Variants in LAMA2 observed in about 807,000 individuals in gnomAD.
The protein encoded by LAMA2 is laminin subunit alpha 2, also known as laminin subunit alpha-2.
Under a neutral mutation model 364.8 loss-of-function variants are expected in LAMA2, and 269 were observed. That is an observed-to-expected ratio of 0.74 (90% confidence interval 0.67 to 0.82). The LOEUF (loss-of-function observed/expected upper bound fraction) is 0.82. Among genes scored for constraint, LAMA2 ranks in the 40% least tolerant of loss-of-function variants. The probability of loss-of-function intolerance (pLI) is 0.00; values close to 1 mark genes in which losing one functional copy is unlikely to be tolerated. For synonymous variants in LAMA2, 1,379 were observed against 1,370.6 expected (o/e 1.01, Z -0.14); for missense variants, 3,807 against 3,873.2 (o/e 0.98, Z 0.45).
Position 129,308,385 on chromosome 6 carries a change from C to T in LAMA2, c.3175-4476C>T, listed in dbSNP as rs575185036. ...AGAGTTCCGTTTTATCCACAGAATG[C>T]TATGATATAGCCAAACTCTAATTAA... On this transcript the variant is annotated intron_variant, in intron 22 of 64. Transcript: ENST00000421865. 2.6e-5 allele frequency among the ~76,000 whole-genome samples: 4 copies of T among 152,262 alleles called. No homozygotes were observed. The East Asian group carries it at 7.7e-4, about 29-fold the overall frequency.
intron 12 of LAMA2, among the ~76,000 whole-genome samples, chr6:129,230,749 T>C (rs553249253): frequency 6.6e-6 from 1 of 152,148 alleles, no homozygotes; most frequent in East Asian, 1.9e-4. Context: ...CAGTTGCAGG[T>C]ACAGAGAAGA....
In LAMA2 at chr6:129,032,652, T is replaced by TA. The variant is rs752636457; in HGVS notation, c.113-17259dup. On this transcript the variant is annotated intron_variant, in intron 1 of 64. Coordinates refer to ENST00000421865, the MANE Select transcript of LAMA2 (RefSeq NM_000426.4). ...TTGAATCTTAAGAAAACTCATTATG[T>TA]AAAAAAAGGGCTAAAGAAAGGATAA... 2.6e-5 allele frequency among the ~76,000 whole-genome samples: 4 copies of TA among 152,156 alleles called. No individual in the cohort carries two copies. The East Asian group carries it at 7.7e-4, about 29-fold the overall frequency.
chr6:129,033,520 T>C (rs952169243), intron 1 of LAMA2, among the ~76,000 whole-genome samples: 1 of 152,168 alleles, frequency 6.6e-6, no homozygotes, highest in Non-Finnish European at 1.5e-5. Flanking sequence ...TTTATCATTG[T>C]TTTATTTTTA....
intron 1 of LAMA2, among the ~76,000 whole-genome samples, chr6:128,924,043 C>G (rs886804500): frequency 6.6e-6 from 1 of 151,678 alleles, no homozygotes; most frequent in African/African-American, 2.4e-5. Context: ...GTGTAGGGAA[C>G]ACAAGAATAT....
At chr6:129,303,361 G>C (rs1333838645) in intron 22 of LAMA2, among the ~76,000 whole-genome samples, 1 of 152,106 alleles carries the variant, frequency 6.6e-6, no homozygotes, top group Non-Finnish European at 1.5e-5. Context: ...TTTTCTTGTA[G>C]ATAATCATGT....
intron 1 of LAMA2, among the ~76,000 whole-genome samples, chr6:128,897,961 G>A (rs540754195): frequency 1.5e-4 from 23 of 152,322 alleles, no homozygotes; most frequent in African/African-American, 5.1e-4. Flanking sequence ...CACCTTGCTG[G>A]CTGAGTGCTG....
intron 22 of LAMA2, among the ~76,000 whole-genome samples, chr6:129,310,141 C>A (rs933784274): frequency 3.3e-5 from 5 of 151,864 alleles, no homozygotes; most frequent in Admixed American, 2.6e-4. Context: ...CCTCGTGATC[C>A]GCCCGCCTCG....
intron 27 of LAMA2, among the ~76,000 whole-genome samples, chr6:129,316,645 T>C (rs1774633021): frequency 6.6e-6 from 1 of 152,194 alleles, no homozygotes; most frequent in African/African-American, 2.4e-5. Flanking sequence ...TGTTGAGAAA[T>C]GATTCTGAAT....
chr6:128,995,257 T>C (rs763379961), intron 1 of LAMA2, among the ~76,000 whole-genome samples: 4 of 152,182 alleles, frequency 2.6e-5, no homozygotes, highest in Admixed American at 6.5e-5. Flanking sequence ...ACACAAGATA[T>C]ATTGTGTGAT....
At chr6:129,036,228 T>C (rs1196362208) in intron 1 of LAMA2, among the ~76,000 whole-genome samples, 1 of 152,180 alleles carries the variant, frequency 6.6e-6, no homozygotes, top group African/African-American at 2.4e-5. Context: ...GTTAAATGTA[T>C]TCCTAGGTAT....
chr6:129,253,294 A>G (rs1021005483), intron 14 of LAMA2, among the ~76,000 whole-genome samples: 9 of 152,180 alleles, frequency 5.9e-5, no homozygotes, highest in African/African-American at 2.2e-4. Context: ...CCAGCCTGAC[A>G]ACCCGGTATA....
At chr6:129,195,817 A>G (rs960819179) in intron 12 of LAMA2, among the ~76,000 whole-genome samples, 3 of 152,214 alleles carry the variant, frequency 2.0e-5, no homozygotes, top group African/African-American at 7.2e-5. Context: ...GGCTACAGCT[A>G]TTCAGAAACA....
intron 1 of LAMA2, among the ~76,000 whole-genome samples, chr6:128,896,225 C>T (rs1329944159): frequency 6.6e-6 from 1 of 151,726 alleles, no homozygotes; most frequent in Non-Finnish European, 1.5e-5. Flanking sequence ...CCAATATGTC[C>T]TCTCCTTATC....
intron 12 of LAMA2, among the ~76,000 whole-genome samples, chr6:129,211,958 T>C (rs141413097): frequency 3.3e-5 from 5 of 152,356 alleles, no homozygotes; most frequent in African/African-American, 1.2e-4. Context: ...AGGGATGCTT[T>C]TTGTGGACAG....
At chr6:129,011,664 C>G (rs1484616598) in intron 1 of LAMA2, among the ~76,000 whole-genome samples, 2 of 152,196 alleles carry the variant, frequency 1.3e-5, no homozygotes, top group Non-Finnish European at 2.9e-5. Context: ...CCAGAGATTA[C>G]TCTTAAAATA....
Position 129,090,184 on chromosome 6 carries a change from G to A in LAMA2, c.397-7989G>A, listed in dbSNP as rs146094787. ...TATACACAAAAGTATAGAGAATACC[G>A]TGGACTCAAATGTACCCAACACCCA... is the stretch of plus-strand genomic sequence containing the variant. On this transcript the variant is annotated intron_variant, in intron 3 of 64. Coordinates refer to ENST00000421865, the MANE Select transcript of LAMA2 (RefSeq NM_000426.4). Among the ~76,000 whole-genome samples the A allele has an allele frequency of 1.9e-3, 286 of 152,182 alleles. 2 individuals are homozygous for A. Among genetic ancestry groups the A allele is most frequent in the East Asian group, 0.012 (63 of 5,176 alleles).
intron 1 of LAMA2, among the ~76,000 whole-genome samples, chr6:128,890,542 TACACACACACACAC>T (rs56972149): frequency 1.4e-5 from 2 of 147,338 alleles, no homozygotes; most frequent in Admixed American, 1.4e-4. Context: ...TTCATTTAAA[TACACACACACACAC>T]ACACACACAC....
At chr6:129,267,275 G>GA in intron 16 of LAMA2, 56 bp downstream of exon 16, 1 of 1,155,826 alleles carries the variant, frequency 8.7e-7, no homozygotes, top group South Asian at 1.2e-5. Context: ...CACCTCGACA[G>GA]ATGCTACAAT....
chr6:129,462,507 C>T (rs555584948), intron 49 of LAMA2, among the ~76,000 whole-genome samples: 2 of 152,098 alleles, frequency 1.3e-5, no homozygotes, highest in East Asian at 1.9e-4. Flanking sequence ...CCCTTGTCAT[C>T]AAACTATATT....
Sources: gnomAD v4.1 joint callset for allele counts (sites outside exome capture counted in the v4.1 genomes callset) on GRCh38, gnomAD v4.1.1 for gene constraint, MANE v1.5 for transcripts, NCBI Gene and HGNC (gene_info 2026-07-23, HGNC 2026-07-21) for gene names.